PCCA: variants seen among roughly 807,000 people sequenced by gnomAD.
PCCA encodes propionyl-CoA carboxylase alpha chain, mitochondrial.
Under a neutral mutation model 101.3 loss-of-function variants are expected in PCCA, and 74 were observed. The ratio of observed to expected loss-of-function variants is 0.73; its 90% CI spans 0.61 to 0.89. The LOEUF is 0.89. Among genes scored for constraint, PCCA ranks in the 40% least tolerant of loss-of-function variants. PCCA has a pLI of 0.00. For missense variants in PCCA, 891 were observed against 907.0 expected (o/e 0.98, Z 0.23); for synonymous variants, 294 against 313.6 (o/e 0.94, Z 0.66).
chr13:100,253,455 TAGAA>T (rs1180547511), intron 8 of PCCA, among the ~76,000 whole-genome samples: 1 of 152,150 alleles, frequency 6.6e-6, no homozygotes, highest in Non-Finnish European at 1.5e-5. Context: ...ATAGTAGAGT[TAGAA>T]AGAAGGCTGC....
chr13:100,421,609 T>G (rs1003899722), intron 19 of PCCA, among the ~76,000 whole-genome samples: 5 of 152,170 alleles, frequency 3.3e-5, no homozygotes, highest in African/African-American at 1.2e-4. Context: ...TATATTGCTG[T>G]GTGGTCTTCT....
intron 7 of PCCA, among the ~76,000 whole-genome samples, chr13:100,220,099 C>G (rs1468512268): frequency 6.6e-6 from 1 of 152,126 alleles, no homozygotes; most frequent in Non-Finnish European, 1.5e-5. Flanking sequence ...AGGGCTTACT[C>G]CTGAATGCTA....
chr13:100,262,674 C>A, intron 9 of PCCA, 55 bp from the exon 10 acceptor site: 1 of 784,160 alleles, frequency 1.3e-6, no homozygotes, highest in South Asian at 1.4e-5. Flanking sequence ...CCTTCTTCCC[C>A]TTCCCCTTCC....
intron 21 of PCCA, among the ~76,000 whole-genome samples, chr13:100,452,022 C>T (rs2081343226): frequency 1.8e-5 from 2 of 110,456 alleles, no homozygotes. Context: ...CTCTCTCCCT[C>T]CTCTCCCTCT....
intron 9 of PCCA, among the ~76,000 whole-genome samples, chr13:100,259,247 A>G (rs944223975): frequency 2.8e-5 from 4 of 141,952 alleles, no homozygotes; most frequent in East Asian, 2.1e-4. Flanking sequence ...CATCTTTCCT[A>G]TGTTTTTTGG....
intron 18 of PCCA, among the ~76,000 whole-genome samples, chr13:100,341,400 G>T (rs2071288547): frequency 6.6e-6 from 1 of 152,168 alleles, no homozygotes; most frequent in Non-Finnish European, 1.5e-5. Context: ...CTTGTTGTTT[G>T]GTTGTTTCCC....
intron 19 of PCCA, among the ~76,000 whole-genome samples, chr13:100,416,042 T>C (rs1031225397): frequency 7.9e-5 from 12 of 152,250 alleles, no homozygotes; most frequent in African/African-American, 2.9e-4. Flanking sequence ...GATAGGAAAA[T>C]CGAATGTTCC....
intron 4 of PCCA, among the ~76,000 whole-genome samples, chr13:100,129,403 G>C (rs2050272489): frequency 1.3e-5 from 2 of 152,070 alleles, no homozygotes; most frequent in African/African-American, 4.8e-5. Flanking sequence ...TAGTTCATAG[G>C]CTCTTTTTTC....
At chr13:100,385,579 T>C (rs1595699095) in intron 19 of PCCA, among the ~76,000 whole-genome samples, 1 of 152,212 alleles carries the variant, frequency 6.6e-6, no homozygotes, top group African/African-American at 2.4e-5. Flanking sequence ...CATGCACATT[T>C]TGGCAAAAAT....
intron 4 of PCCA, among the ~76,000 whole-genome samples, chr13:100,123,745 C>T (rs1033875656): frequency 3.3e-5 from 5 of 151,944 alleles, no homozygotes; most frequent in Non-Finnish European, 5.9e-5. Flanking sequence ...TGTAAGTCAG[C>T]AAGAAGACAT....
At chr13:100,098,684 AGGGT>A (rs2046998629) in intron 1 of PCCA, among the ~76,000 whole-genome samples, 1 of 152,208 alleles carries the variant, frequency 6.6e-6, no homozygotes, top group African/African-American at 2.4e-5. Flanking sequence ...GGAAGAGTCA[AGGGT>A]GGGATGATGG....
intron 12 of PCCA, among the ~76,000 whole-genome samples, chr13:100,295,283 G>T (rs1167312205): frequency 6.6e-6 from 1 of 152,150 alleles, no homozygotes; most frequent in East Asian, 1.9e-4. Flanking sequence ...AAACTACAAA[G>T]ACAGAGGCCT....
intron 20 of PCCA, among the ~76,000 whole-genome samples, chr13:100,447,165 A>G (rs1384850517): frequency 6.6e-6 from 1 of 151,728 alleles, no homozygotes; most frequent in Non-Finnish European, 1.5e-5. Context: ...GGAGCGGGTT[A>G]TGAGGTCAGG....
At chr13:100,214,358 C>A (rs1166836149) in intron 7 of PCCA, among the ~76,000 whole-genome samples, 1 of 150,752 alleles carries the variant, frequency 6.6e-6, no homozygotes, top group Middle Eastern at 3.2e-3. Context: ...TGTAGAATCT[C>A]TTTGCATCTT....
At chr13:100,299,720 CTT>C (rs899935611) in intron 12 of PCCA, among the ~76,000 whole-genome samples, 3 of 150,306 alleles carry the variant, frequency 2.0e-5, no homozygotes, top group Non-Finnish European at 4.5e-5. Context: ...AGGTTCACCT[CTT>C]TTTTTTTTCC....
chr13:100,117,751 A>T lies in PCCA; in HGVS notation c.300+5690A>T, dbSNP rs562367308. 2.0e-3 allele frequency among the ~76,000 whole-genome samples: 305 copies of T among 152,124 alleles called. 2 individuals are homozygous for T. The highest frequency in any genetic ancestry group is 6.7e-3 in the African/African-American group (278 of 41,506). On this transcript the variant is annotated intron_variant, in intron 4 of 23. Coordinates refer to ENST00000376285, the MANE Select transcript of PCCA (RefSeq NM_000282.4). ...ACAAACCTGCACGTTGTGCACATGT[A>T]CCCTAGAACTTAAAGTATATATATA...
intron 20 of PCCA, among the ~76,000 whole-genome samples, chr13:100,433,552 A>C (rs529168584): frequency 1.4e-4 from 22 of 152,234 alleles, no homozygotes; most frequent in African/African-American, 4.6e-4. Context: ...CCCATATATA[A>C]AACCACATAC....
intron 18 of PCCA, among the ~76,000 whole-genome samples, chr13:100,341,957 G>GTATATATA (rs35822001): frequency 0.028 from 2,963 of 107,082 alleles, 137 homozygotes; most frequent in African/African-American, 0.047. Context: ...ACCCTTCAAA[G>GTATATATA]TATATATATA....
At chr13:100,528,282 T>C (rs188023241) in intron 23 of PCCA, among the ~76,000 whole-genome samples, 25 of 152,320 alleles carry the variant, frequency 1.6e-4, no homozygotes, top group Admixed American at 6.5e-5. Flanking sequence ...ATTTTTTTCT[T>C]GAAGATAGAA....
Sources: gnomAD v4.1 joint callset for allele counts (sites outside exome capture counted in the v4.1 genomes callset) on GRCh38, gnomAD v4.1.1 for gene constraint, MANE v1.5 for transcripts, NCBI Gene and HGNC (gene_info 2026-07-23, HGNC 2026-07-21) for gene names.